The following PPM1L variants were observed in gnomAD, a reference collection of about 807,000 sequenced individuals.
PPM1L encodes protein phosphatase 1L.
A neutral mutation model predicts 31.4 loss-of-function variants in PPM1L; 13 were observed. That is an observed-to-expected ratio of 0.41 (90% CI 0.27 to 0.66). The LOEUF (loss-of-function observed/expected upper bound fraction) is 0.66. PPM1L is among the 30% of genes least tolerant of loss of function. The probability of loss-of-function intolerance (pLI) is 0.29; values close to 1 mark genes in which losing one functional copy is unlikely to be tolerated. For missense variants in PPM1L, 326 were observed against 453.7 expected, an observed-to-expected ratio of 0.72 and a Z score of 2.56; for synonymous variants, 184 against 175.4, an observed-to-expected ratio of 1.05 and a Z score of -0.39.
At chr3:160,927,606 A>ATGTGTGTGTG (rs141545778) in intron 1 of PPM1L, among the ~76,000 whole-genome samples, 12 of 148,462 alleles carry the variant, frequency 8.1e-5, no homozygotes, top group African/African-American at 2.7e-4. Flanking sequence ...TCATTTCCCT[A>ATGTGTGTGTG]TGTGTGTGTG....
rs565923932 is a variant in PPM1L at position 160,958,696 on chromosome 3, A to G, written c.400-3040A>G. 1.5e-4 allele frequency among the ~76,000 whole-genome samples: 23 copies of G among 152,328 alleles called. No homozygotes were observed. In the South Asian group the frequency reaches 4.8e-3, roughly 32 times the overall value. On this transcript the variant is annotated intron_variant, in intron 1 of 3. Coordinates refer to ENST00000498165, the MANE Select transcript of PPM1L (RefSeq NM_139245.4). ...AGCTGGCTGGCAGAGAAATTGAACAATGTTTGGTGATGTTAAAGTTGTAAT... is the reference window on the plus strand; with the variant it reads ...AGCTGGCTGGCAGAGAAATTGAACAGTGTTTGGTGATGTTAAAGTTGTAAT...
intron 1 of PPM1L, among the ~76,000 whole-genome samples, chr3:160,785,421 A>G (rs1711874573): frequency 6.6e-6 from 1 of 152,224 alleles, no homozygotes; most frequent in African/African-American, 2.4e-5. Context: ...ATAACTTAAA[A>G]TGCTCAAACT....
chr3:161,057,450 G>T (rs917646066), intron 2 of PPM1L, among the ~76,000 whole-genome samples: 1 of 152,052 alleles, frequency 6.6e-6, no homozygotes, highest in African/African-American at 2.4e-5. Flanking sequence ...AGAAGTGTAA[G>T]GTTTCATTGT....
At chr3:160,760,869 T>C (rs1714952146) in intron 1 of PPM1L, among the ~76,000 whole-genome samples, 1 of 152,150 alleles carries the variant, frequency 6.6e-6, no homozygotes. Flanking sequence ...GTCTTATGTA[T>C]CTTGATAATT....
chr3:161,034,757 C>T (rs555475754), intron 2 of PPM1L, among the ~76,000 whole-genome samples: 20 of 151,588 alleles, frequency 1.3e-4, no homozygotes, highest in South Asian at 4.2e-4. Flanking sequence ...ATGTAGATGA[C>T]GGGTTGATGG....
chr3:160,947,841 G>T (rs535505781), intron 1 of PPM1L, among the ~76,000 whole-genome samples: 63 of 152,264 alleles, frequency 4.1e-4, no homozygotes, highest in Non-Finnish European at 6.5e-4. Flanking sequence ...AAGACGGACA[G>T]CTCTTTAGAC....
intron 1 of PPM1L, among the ~76,000 whole-genome samples, chr3:160,798,510 G>A (rs764025339): frequency 1.3e-5 from 2 of 152,104 alleles, no homozygotes; most frequent in African/African-American, 4.8e-5. Context: ...TTATGCTCTC[G>A]AAATGGAACA....
At chr3:160,938,258 G>A (rs192116834) in intron 1 of PPM1L, among the ~76,000 whole-genome samples, 17 of 152,244 alleles carry the variant, frequency 1.1e-4, no homozygotes, top group East Asian at 9.6e-4. Context: ...CAATAATGGC[G>A]TCCTACTACC....
intron 1 of PPM1L, among the ~76,000 whole-genome samples, chr3:160,772,664 C>T (rs990913000): frequency 3.9e-5 from 6 of 152,132 alleles, no homozygotes; most frequent in Non-Finnish European, 8.8e-5. Context: ...TGAACATCTC[C>T]ATCACCCTCA....
chr3:161,007,146 C>T (rs536912654), intron 2 of PPM1L, among the ~76,000 whole-genome samples: 14 of 152,124 alleles, frequency 9.2e-5, no homozygotes, highest in South Asian at 2.1e-4. Flanking sequence ...CTACACTCAA[C>T]GACCTATATT....
intron 1 of PPM1L, among the ~76,000 whole-genome samples, chr3:160,949,755 T>C (rs939914187): frequency 2.4e-4 from 37 of 152,130 alleles, no homozygotes; most frequent in African/African-American, 8.9e-4. Context: ...GGTGACTAGA[T>C]AGAGACACTT....
chr3:160,795,490 G>C (rs1330999092), intron 1 of PPM1L, among the ~76,000 whole-genome samples: 1 of 152,134 alleles, frequency 6.6e-6, no homozygotes, highest in Non-Finnish European at 1.5e-5. Flanking sequence ...GAGAACCGCT[G>C]CCCTAGGGTT....
chr3:160,914,315 T>A (rs1714079735), intron 1 of PPM1L, among the ~76,000 whole-genome samples: 2 of 152,154 alleles, frequency 1.3e-5, no homozygotes, highest in African/African-American at 4.8e-5. Context: ...ATACTTTAAG[T>A]TTTAGGGTAC....
In PPM1L at chr3:161,075,463, T is replaced by C. The variant is rs556415875; in HGVS notation, c.*6306T>C. The C allele has an allele frequency of 2.0e-5, 3 of 152,326 alleles. No individual in the cohort carries two copies. The highest frequency in any genetic ancestry group is 2.1e-4 in the South Asian group (1 of 4,828). The allele number at this position is 152,326 out of a possible 1,614,324, so 9.4% of individuals were successfully genotyped here. On this transcript the variant is annotated 3_prime_UTR_variant, in exon 4 of 4. Coordinates refer to ENST00000498165, the MANE Select transcript of PPM1L (RefSeq NM_139245.4). ...AAAAATGGGCTTGTCTCTTAGAGTA[T>C]TGGTTAATGCTTTGCTTATTTGTTA...
intron 1 of PPM1L, among the ~76,000 whole-genome samples, chr3:160,856,589 A>G (rs1020287456): frequency 1.3e-5 from 2 of 152,194 alleles, no homozygotes; most frequent in African/African-American, 2.4e-5. Flanking sequence ...TCTCACTTAT[A>G]AGTGGGAGCT....
chr3:160,899,319 A>T (rs140532334), intron 1 of PPM1L, among the ~76,000 whole-genome samples: 1 of 152,290 alleles, frequency 6.6e-6, no homozygotes, highest in East Asian at 1.9e-4. Context: ...TGATAGCTGA[A>T]AAGTCCACTG....
chr3:161,039,652 A>G (rs953089284), intron 2 of PPM1L, among the ~76,000 whole-genome samples: 4 of 152,042 alleles, frequency 2.6e-5, no homozygotes, highest in African/African-American at 9.7e-5. Flanking sequence ...CCTCCCGAGT[A>G]GCTGGGACTA....
intron 1 of PPM1L, among the ~76,000 whole-genome samples, chr3:160,856,614 C>T (rs1044332534): frequency 1.3e-5 from 2 of 152,088 alleles, no homozygotes; most frequent in Non-Finnish European, 2.9e-5. Flanking sequence ...ACTGAGTACA[C>T]ATGAACACTG....
At chr3:160,791,714 T>A (rs1303176732) in intron 1 of PPM1L, among the ~76,000 whole-genome samples, 3 of 152,084 alleles carry the variant, frequency 2.0e-5, no homozygotes, top group African/African-American at 7.2e-5. Context: ...GATAAAAATA[T>A]AAACGGAGAA....
Sources: gnomAD v4.1 joint callset for allele counts (sites outside exome capture counted in the v4.1 genomes callset) on GRCh38, gnomAD v4.1.1 for gene constraint, MANE v1.5 for transcripts, NCBI Gene and HGNC (gene_info 2026-07-23, HGNC 2026-07-21) for gene names.